Variants in TRMT10C observed in about 807,000 individuals in gnomAD.
The protein encoded by TRMT10C is tRNA methyltransferase 10 homolog C.
A neutral mutation model predicts 27.4 loss-of-function variants in TRMT10C; 14 were observed. The ratio of observed to expected loss-of-function variants is 0.51; its 90% CI spans 0.34 to 0.80. The LOEUF is 0.80. Ranked by LOEUF, TRMT10C falls within the 30% of genes least tolerant of loss-of-function variation. The pLI is 0.02. For synonymous variants in TRMT10C, 143 were observed against 155.9 expected (o/e 0.92, Z 0.62); for missense variants, 438 against 464.8 (o/e 0.94, Z 0.53).
At chr3:101,563,322 TA>T (rs1934454465) in intron 1 of TRMT10C, among the ~76,000 whole-genome samples, 1 of 151,808 alleles carries the variant, frequency 6.6e-6, no homozygotes, top group African/African-American at 2.4e-5. Context: ...CACACCTGGC[TA>T]ATTTTTGTAT....
intron 1 of TRMT10C, among the ~76,000 whole-genome samples, chr3:101,563,028 T>C (rs113692140): frequency 4.6e-5 from 7 of 152,246 alleles, no homozygotes; most frequent in African/African-American, 1.7e-4. Flanking sequence ...GATAGCAATA[T>C]CCCTTGAAAC....
intron 1 of TRMT10C, among the ~76,000 whole-genome samples, chr3:101,562,358 T>C (rs1206194943): frequency 6.6e-6 from 1 of 152,168 alleles, no homozygotes; most frequent in Non-Finnish European, 1.5e-5. Flanking sequence ...TGTTTTCTCT[T>C]TAAAGGGAGG....
intron 1 of TRMT10C, among the ~76,000 whole-genome samples, chr3:101,563,939 T>C (rs1934466920): frequency 6.6e-6 from 1 of 152,230 alleles, no homozygotes; most frequent in Non-Finnish European, 1.5e-5. Context: ...TCAGTAGATC[T>C]TGGTATATTT....
chr3:101,565,035 G>C lies in TRMT10C; in HGVS notation c.254G>C (p.Ser85Thr). The change falls in exon 2 of 2, where the codon AGT becomes ACT. Residue 85 changes from serine to threonine, a missense_variant. Around this residue, in one of 3 missense-constraint regions of TRMT10C, gnomAD observed 350 missense variants for 370.5 expected, o/e 0.94. Coordinates refer to ENST00000309922, the MANE Select transcript of TRMT10C (RefSeq NM_017819.4). ...QEECVSTISS[S>T]KDEDPLAATR... ...GAATGTGTTTCAACAATCTCAAGCA[G>C]TAAGGATGAAGATCCTCTAGCTGCC... 1 of 1,614,028 alleles carries C rather than the reference G, an allele frequency of 6.2e-7. No individual in the cohort carries two copies. The highest frequency in any genetic ancestry group is 1.3e-5 in the African/African-American group (1 of 75,030).
At chr3:101,562,592 C>T (rs1487735809) in intron 1 of TRMT10C, among the ~76,000 whole-genome samples, 4 of 151,886 alleles carry the variant, frequency 2.6e-5, no homozygotes, top group Non-Finnish European at 5.9e-5. Flanking sequence ...GCGGAGCTTG[C>T]GCCGAGATCG....
chr3:101,565,420 T>C lies in TRMT10C; in HGVS notation c.639T>C (p.Asn213=), dbSNP rs1559949584. The change falls in exon 2 of 2, where the codon AAT becomes AAC. Residue 213 remains asparagine (N), a synonymous_variant. Coordinates refer to ENST00000309922, the MANE Select transcript of TRMT10C (RefSeq NM_017819.4). ...TGGTTTTTGACATGGCTTACGAAAATTATATGAAACGAAAAGAATTGCAGA... is the reference window on the plus strand; with the variant it reads ...TGGTTTTTGACATGGCTTACGAAAACTATATGAAACGAAAAGAATTGCAGA... ...QPLVFDMAYE[N]YMKRKELQNT... is the part of the protein sequence containing the mutation. The C allele has an allele frequency of 6.2e-7, 1 of 1,614,058 alleles. No homozygotes were observed. Among genetic ancestry groups the C allele is most frequent in the South Asian group, 1.1e-5 (1 of 91,080 alleles).
chr3:101,564,345 A>G (rs951719250), intron 1 of TRMT10C, among the ~76,000 whole-genome samples: 3 of 149,748 alleles, frequency 2.0e-5, no homozygotes, highest in African/African-American at 7.4e-5. Context: ...GCAACCTCCA[A>G]CTCCCGGGTT....
intron 1 of TRMT10C, among the ~76,000 whole-genome samples, chr3:101,562,525 C>T (rs988159453): frequency 3.9e-5 from 6 of 152,102 alleles, no homozygotes; most frequent in East Asian, 1.9e-4. Context: ...GTGGCGGGTG[C>T]CTGTAGTCCC....
At chr3:101,562,822 A>G (rs1934444229) in intron 1 of TRMT10C, among the ~76,000 whole-genome samples, 1 of 152,070 alleles carries the variant, frequency 6.6e-6, no homozygotes, top group Non-Finnish European at 1.5e-5. Context: ...CATGGACACT[A>G]GTTAGTCCTT....
Position 101,566,043 on chromosome 3 carries a change from G to A in TRMT10C, c.*50G>A. 1.3e-6 allele frequency: 2 copies of A among 1,517,682 alleles called. No individual in the cohort carries two copies. The highest frequency in any genetic ancestry group is 1.8e-4 in the Middle Eastern group (1 of 5,638). 94.0% of individuals were successfully genotyped at this position (1,517,682 alleles called of 1,614,324 possible). On this transcript the variant is annotated 3_prime_UTR_variant, in exon 2 of 2. Transcript: ENST00000309922. ...TGTGCACAGAACACGTGGCTCAAAT[G>A]AGAACATTTGATGGCTTAAAAAGTA... is the stretch of plus-strand genomic sequence containing the variant.
chr3:101,565,569 A>G lies in TRMT10C; in HGVS notation c.788A>G (p.Gln263Arg), dbSNP rs1269385974. 3.7e-6 allele frequency: 6 copies of G among 1,614,020 alleles called. No homozygotes were observed. The African/African-American group carries it at 8.0e-5, about 22-fold the overall frequency. ...CACAGAGAGTTAGTTAAACGGTATC[A>G]AGAAAAATGGGACAAATTGCTTTTA... Reference protein sequence around the residue: ...ALHRELVKRYQEKWDKLLLTS... With the variant: ...ALHRELVKRYREKWDKLLLTS... Residue 263 changes from glutamine (Q) to arginine (R), a missense_variant, in exon 2 of 2, where the codon CAA becomes CGA. This residue lies in a region of TRMT10C where 350 missense variants were observed against 370.5 expected (regional missense o/e 0.94). Transcript: ENST00000309922.
Position 101,565,678 on chromosome 3 carries a change from T to A in TRMT10C, c.897T>A (p.Thr299=). The A allele has an allele frequency of 6.2e-7, 1 of 1,614,198 alleles. No homozygotes were observed. Among genetic ancestry groups the A allele is most frequent in the Non-Finnish European group, 8.5e-7 (1 of 1,180,008 alleles). Residue 299 remains threonine (T), a synonymous_variant, in exon 2 of 2, where the codon ACT becomes ACA. Coordinates refer to ENST00000309922, the MANE Select transcript of TRMT10C (RefSeq NM_017819.4). ...YLTADSPNVM[T]TFRHDKVYVI... ...CTGCAGATTCTCCCAATGTTATGACTACTTTCAGGCATGACAAAGTTTATG... is the reference window on the plus strand; with the variant it reads ...CTGCAGATTCTCCCAATGTTATGACAACTTTCAGGCATGACAAAGTTTATG...
At chr3:101,563,395 C>T (rs1186607688) in intron 1 of TRMT10C, among the ~76,000 whole-genome samples, 2 of 152,062 alleles carry the variant, frequency 1.3e-5, no homozygotes, top group East Asian at 3.9e-4. Flanking sequence ...TGACCTCAAG[C>T]GATCCTCCCT....
rs1934499589 is a variant in TRMT10C, at chr3:101,565,598, T to C, written c.817T>C (p.Ser273Pro). The C allele has an allele frequency of 6.2e-6, 10 of 1,614,010 alleles. No homozygotes were observed. The highest frequency in any genetic ancestry group is 1.3e-5 in the African/African-American group (1 of 74,932). ...QEKWDKLLLT[S>P]TEKSHVDLFP... ...AAAATGGGACAAATTGCTTTTAACA[T>C]CAACAGAAAAGTCTCATGTAGATTT... Residue 273 changes from serine to proline, a missense_variant, in exon 2 of 2, where the codon TCA (serine) becomes CCA (proline). This residue lies in a region of TRMT10C where 350 missense variants were observed against 370.5 expected (regional missense o/e 0.94). Coordinates refer to ENST00000309922, the MANE Select transcript of TRMT10C (RefSeq NM_017819.4).
chr3:101,564,914 C>T lies in TRMT10C; in HGVS notation c.133C>T (p.Pro45Ser). The change falls in exon 2 of 2, where the codon CCA (proline) becomes TCA (serine). Residue 45 changes from proline to serine, a missense_variant. Physicochemically the swap from Pro to Ser is moderately conservative, Grantham distance 74. Transcript: ENST00000309922. ...ILQRYMSSKIPAVTYPKNEST... is the reference protein window; with the variant it reads ...ILQRYMSSKISAVTYPKNEST... ...GCAGAGATACATGTCTTCCAAAATA[C>T]CAGCTGTTACTTATCCTAAAAATGA... 6.2e-7 allele frequency: 1 copy of T among 1,613,716 alleles called. No individual in the cohort carries two copies. The highest frequency in any genetic ancestry group is 8.5e-7 in the Non-Finnish European group (1 of 1,179,952).
Position 101,566,090 on chromosome 3 carries a change from T to C in TRMT10C, c.*97T>C. On this transcript the variant is annotated 3_prime_UTR_variant, in exon 2 of 2. Coordinates refer to ENST00000309922, the MANE Select transcript of TRMT10C (RefSeq NM_017819.4). ...AGTAAATGCGTTAGAAATACAGTTC[T>C]GTTAATGTATTTCTTCCCAAACAAT... The C allele has an allele frequency of 7.8e-7, 1 of 1,285,778 alleles. No individual in the cohort carries two copies. The highest frequency in any genetic ancestry group is 1.1e-6 in the Non-Finnish European group (1 of 946,868). 79.6% of individuals were successfully genotyped at this position (1,285,778 alleles called of 1,614,324 possible).
chr3:101,566,185 C>G lies in TRMT10C; in HGVS notation c.*192C>G, dbSNP rs1934511873. The G allele has an allele frequency of 1.7e-6, 1 of 574,736 alleles. No individual in the cohort carries two copies. The highest frequency in any genetic ancestry group is 2.9e-5 in the South Asian group (1 of 34,306). The allele number at this position is 574,736 out of a possible 1,614,324, so 35.6% of individuals were successfully genotyped here. On this transcript the variant is annotated 3_prime_UTR_variant, in exon 2 of 2. Transcript: ENST00000309922. ...GTTGTGTCTTTTCCCAATTAAATAT[C>G]TGCAGAACTTTGGGATTATACTTTG... is the stretch of plus-strand genomic sequence containing the variant.
At position 101,565,218 on chromosome 3, in the gene TRMT10C, G is replaced by T; in HGVS notation, c.437G>T (p.Arg146Met). 1 of 1,598,396 alleles carries T rather than the reference G, an allele frequency of 6.3e-7. No individual in the cohort carries two copies. The highest frequency in any genetic ancestry group is 1.1e-5 in the South Asian group (1 of 87,860). Residue 146 changes from arginine to methionine, a missense_variant, in exon 2 of 2, where the codon AGG becomes ATG. By Grantham distance (91) the Arg-to-Met change is moderately conservative (BLOSUM62 -1). This residue lies in a region of TRMT10C where 350 missense variants were observed against 370.5 expected (regional missense o/e 0.94). Transcript: ENST00000309922. ...LYTKEKVKKA[R>M]QIKKEMKAAA... ...ACGAAGGAAAAAGTGAAAAAAGCTA[G>T]GCAAATAAAAAAGGAAATGAAAGCA...
intron 1 of TRMT10C, among the ~76,000 whole-genome samples, chr3:101,562,821 T>C (rs13072301): frequency 0.4 from 60,048 of 151,770 alleles, 12,744 homozygotes; most frequent in Non-Finnish European, 0.48. Context: ...TCATGGACAC[T>C]AGTTAGTCCT....
Sources: allele counts gnomAD v4.1 joint callset (sites outside exome capture counted in the v4.1 genomes callset), GRCh38; gene constraint gnomAD v4.1.1; regional missense constraint gnomAD v4.1.1; transcripts MANE v1.5; gene names NCBI Gene and HGNC (gene_info 2026-07-23, HGNC 2026-07-21).